SERBP1: variants seen among roughly 807,000 people sequenced by gnomAD.
SERBP1 encodes SERPINE1 mRNA binding protein 1.
Under a neutral mutation model 50.2 loss-of-function variants are expected in SERBP1, and 6 were observed. The observed-to-expected ratio is 0.12, with a 90% CI of 0.07 to 0.24. The LOEUF (loss-of-function observed/expected upper bound fraction) is 0.24. Ranked by LOEUF, SERBP1 falls within the 10% of genes least tolerant of loss-of-function variation. SERBP1 has a pLI of 1.00. For missense variants in SERBP1, 346 were observed against 524.9 expected, an observed-to-expected ratio of 0.66 and a Z score of 3.33; for synonymous variants, 168 against 182.8, an observed-to-expected ratio of 0.92 and a Z score of 0.65.
At chr1:67,424,754 A>T in intron 4 of SERBP1, 134 bp downstream of exon 4, 2 of 702,698 alleles carry the variant, frequency 2.8e-6, no homozygotes, top group Non-Finnish European at 4.9e-6. Flanking sequence ...CCCATCCCAT[A>T]AGACATTATC....
intron 6 of SERBP1, among the ~76,000 whole-genome samples, chr1:67,419,099 G>T (rs1272858889): frequency 6.6e-6 from 1 of 152,206 alleles, no homozygotes; most frequent in Non-Finnish European, 1.5e-5. Context: ...GTTGACCCTT[G>T]AACAACGTGG....
intron 6 of SERBP1, among the ~76,000 whole-genome samples, chr1:67,419,118 A>G (rs1350569795): frequency 2.0e-5 from 3 of 152,246 alleles, no homozygotes; most frequent in Non-Finnish European, 4.4e-5. Context: ...GGCTTTGAAC[A>G]TTCTGCCTCT....
chr1:67,409,211 G>C lies in SERBP1; in HGVS notation c.*3996C>G, dbSNP rs1484463295. The C allele has an allele frequency of 1.3e-5, 2 of 151,924 alleles. No individual in the cohort carries two copies. Among genetic ancestry groups the C allele is most frequent in the Non-Finnish European group, 2.9e-5 (2 of 68,036 alleles). The allele number at this position is 151,924 out of a possible 1,614,324, so 9.4% of individuals were successfully genotyped here. On this transcript the variant is annotated 3_prime_UTR_variant, in exon 8 of 8. Coordinates refer to ENST00000361219, the MANE Select transcript of SERBP1 (RefSeq NM_001018069.2). The stretch of plus-strand genomic sequence containing the variant: ...CCACTGCACTCCAGCCTGGGTGACA[G>C]AGCCAGACTGTTTCAAAGAAACAAA...
At chr1:67,418,428 C>T (rs1667096582) in intron 6 of SERBP1, among the ~76,000 whole-genome samples, 1 of 152,060 alleles carries the variant, frequency 6.6e-6, no homozygotes, top group South Asian at 2.1e-4. Flanking sequence ...TAAAATGTTT[C>T]CAAGTTTGTC....
At chr1:67,425,667 G>A (rs1176468862) in intron 2 of SERBP1, among the ~76,000 whole-genome samples, 4 of 152,150 alleles carry the variant, frequency 2.6e-5, no homozygotes, top group African/African-American at 9.7e-5. Context: ...ATTCAACAAA[G>A]TGTTTCCATT....
At position 67,425,128 on chromosome 1, in the gene SERBP1, G is replaced by A. The variant is rs1667326994; in HGVS notation, c.560C>T (p.Ser187Phe). 3.1e-6 allele frequency: 5 copies of A among 1,611,588 alleles called. No individual in the cohort carries two copies. Among genetic ancestry groups the A allele is most frequent in the Non-Finnish European group, 4.2e-6 (5 of 1,179,758 alleles). The change falls in exon 3 of 8, where the codon TCT becomes TTT. Residue 187 changes from serine to phenylalanine, a missense_variant. Ser to Phe is a radical substitution (Grantham distance 155). Coordinates refer to ENST00000361219, the MANE Select transcript of SERBP1 (RefSeq NM_001018069.2). ...CCTATCAAATTCACGTTTGCCACGAGAATCAAATCCATCTCCTCGGCCCAT... is the reference window on the plus strand; with the variant it reads ...CCTATCAAATTCACGTTTGCCACGAAAATCAAATCCATCTCCTCGGCCCAT... ...RGMGRGDGFDSRGKREFDRHS... is the reference protein window; with the variant it reads ...RGMGRGDGFDFRGKREFDRHS...
intron 1 of SERBP1, among the ~76,000 whole-genome samples, chr1:67,428,070 CTT>C (rs1160563543): frequency 6.6e-6 from 1 of 152,214 alleles, no homozygotes; most frequent in Non-Finnish European, 1.5e-5. Flanking sequence ...CATGCAGCGA[CTT>C]TGTTTACAGA....
rs1033748106 is a variant in SERBP1, at chr1:67,424,429, A to G, written c.696-152T>C. ...TCTCACATTCTCTAACTCCTTTCTT[A>G]CTAAATATACTCCCCAGAAGACGTC... On this transcript the variant is annotated intron_variant, in intron 4 of 7. Coordinates refer to ENST00000361219, the MANE Select transcript of SERBP1 (RefSeq NM_001018069.2). 13 of 939,386 alleles carry G rather than the reference A, an allele frequency of 1.4e-5. No homozygotes were observed. The South Asian group carries it at 2.4e-4, about 18-fold the overall frequency. The allele number at this position is 939,386 out of a possible 1,614,324, so 58.2% of individuals were successfully genotyped here. A position where few individuals can be genotyped will look rare whatever the true frequency, so the allele number is the denominator to read the frequency against.
chr1:67,414,928 C>T (rs1311059825), intron 7 of SERBP1, among the ~76,000 whole-genome samples: 1 of 152,092 alleles, frequency 6.6e-6, no homozygotes, highest in Non-Finnish European at 1.5e-5. Flanking sequence ...AATGCCTAGC[C>T]CAGCACCATG....
intron 6 of SERBP1, among the ~76,000 whole-genome samples, chr1:67,416,993 G>T (rs573092801): frequency 3.3e-5 from 5 of 152,306 alleles, no homozygotes; most frequent in Admixed American, 1.3e-4. Flanking sequence ...CAGGTGTGGT[G>T]GCTGACACTT....
At chr1:67,413,758 AT>A (rs1666917442) in intron 7 of SERBP1, among the ~76,000 whole-genome samples, 1 of 152,068 alleles carries the variant, frequency 6.6e-6, no homozygotes, top group African/African-American at 2.4e-5. Context: ...CCTGTCCTAA[AT>A]TTCTACCAAG....
intron 1 of SERBP1, among the ~76,000 whole-genome samples, chr1:67,427,444 T>G (rs1203943131): frequency 1.3e-5 from 2 of 152,216 alleles, no homozygotes; most frequent in Non-Finnish European, 2.9e-5. Flanking sequence ...GCTGCTTCAC[T>G]TTGGTTCTTT....
intron 1 of SERBP1, among the ~76,000 whole-genome samples, chr1:67,427,132 T>C (rs1197289795): frequency 3.3e-5 from 5 of 152,088 alleles, no homozygotes; most frequent in Non-Finnish European, 7.3e-5. Context: ...ACTATCTTTA[T>C]TTTCAAAGAA....
At chr1:67,414,815 G>C (rs930576509) in intron 7 of SERBP1, among the ~76,000 whole-genome samples, 2 of 152,174 alleles carry the variant, frequency 1.3e-5, no homozygotes, top group Non-Finnish European at 2.9e-5. Context: ...GTAAGCCTTA[G>C]CAAAGGCCAA....
Position 67,409,328 on chromosome 1 carries a change from GT to G in SERBP1, c.*3878del, listed in dbSNP as rs34442991. 1,126 of 133,770 alleles carry G rather than the reference GT, an allele frequency of 8.4e-3. 13 individuals carry two copies. The highest frequency in any genetic ancestry group is 0.025 in the African/African-American group (926 of 36,614). 8.3% of individuals were successfully genotyped at this position (133,770 alleles called of 1,614,324 possible). A position where few individuals can be genotyped will look rare whatever the true frequency, so the allele number is the denominator to read the frequency against. On this transcript the variant is annotated 3_prime_UTR_variant, in exon 8 of 8. Coordinates refer to ENST00000361219, the MANE Select transcript of SERBP1 (RefSeq NM_001018069.2). ...CTGGGCTGCCTACATTTTTCTGTGG[GT>G]TTTTTTTTTTTTTAATCCTATACAA...
rs541088630 is a variant in SERBP1, at chr1:67,408,486, A to G, written c.*4721T>C. 3.3e-5 allele frequency: 5 copies of G among 152,180 alleles called. No individual in the cohort carries two copies. The highest frequency in any genetic ancestry group is 1.2e-4 in the African/African-American group (5 of 41,524). The allele number at this position is 152,180 out of a possible 1,614,324, so 9.4% of individuals were successfully genotyped here. A position where few individuals can be genotyped will look rare whatever the true frequency, so the allele number is the denominator to read the frequency against. On this transcript the variant is annotated 3_prime_UTR_variant, in exon 8 of 8. Coordinates refer to ENST00000361219, the MANE Select transcript of SERBP1 (RefSeq NM_001018069.2). Reference sequence around the variant, plus strand: ...GGGTAACTTTTTCCCTTCCATTTAGAAGTGAACAATTGGCTACCAGTTTAG... The same window carrying G: ...GGGTAACTTTTTCCCTTCCATTTAGGAGTGAACAATTGGCTACCAGTTTAG...
rs1351469757 is a variant in SERBP1, at chr1:67,430,151, C to A, written c.150G>T (p.Gly50=). ...CCGCGGCCTGAGCTGCGCTCTTGGC[C>A]CCAGGGCCCCCAACGCCGCCCCCGC... ...EAGGGGVGGP[G]AKSAAQAAAQ... is the part of the protein sequence containing the mutation. Residue 50 remains glycine (G), a synonymous_variant, in exon 1 of 8, where the codon GGG becomes GGT. Coordinates refer to ENST00000361219, the MANE Select transcript of SERBP1 (RefSeq NM_001018069.2). The A allele has an allele frequency of 1.9e-6, 3 of 1,611,060 alleles. No individual in the cohort carries two copies. Among genetic ancestry groups the A allele is most frequent in the Non-Finnish European group, 2.5e-6 (3 of 1,179,630 alleles).
Position 67,413,194 on chromosome 1 carries a change from T to C in SERBP1, c.*13A>G, listed in dbSNP as rs1362569471. 1 of 1,598,752 alleles carries C rather than the reference T, an allele frequency of 6.3e-7. No homozygotes were observed. The highest frequency in any genetic ancestry group is 1.4e-5 in the African/African-American group (1 of 73,804). On this transcript the variant is annotated 3_prime_UTR_variant, in exon 8 of 8. Transcript: ENST00000361219. Reference sequence around the variant, plus strand: ...GGTTCACAAAGGAACCAGGGTTGTCTTATGGCATCCAGTTAAGCCAGAGCT... The same window carrying C: ...GGTTCACAAAGGAACCAGGGTTGTCCTATGGCATCCAGTTAAGCCAGAGCT...
chr1:67,422,891 G>A (rs951580211), intron 5 of SERBP1, among the ~76,000 whole-genome samples: 1 of 152,064 alleles, frequency 6.6e-6, no homozygotes, highest in Non-Finnish European at 1.5e-5. Flanking sequence ...AACCCAGGGG[G>A]CGGAGGTTGC....
Sources: gnomAD v4.1 joint callset for allele counts (sites outside exome capture counted in the v4.1 genomes callset) on GRCh38, gnomAD v4.1.1 for gene constraint, MANE v1.5 for transcripts, NCBI Gene and HGNC (gene_info 2026-07-23, HGNC 2026-07-21) for gene names.